KLK12: variants seen among roughly 807,000 people sequenced by gnomAD.
The protein encoded by KLK12 is kallikrein-12.
A neutral mutation model predicts 20.0 loss-of-function variants in KLK12; 23 were observed. The ratio of observed to expected loss-of-function variants is 1.15; its 90% confidence interval spans 0.83 to 1.63. The LOEUF (loss-of-function observed/expected upper bound fraction) is 1.63. Ranked by LOEUF, KLK12 falls within the 40% of genes most tolerant of loss-of-function variation. The pLI, the probability that KLK12 is intolerant of heterozygous loss-of-function variation, is 0.00. For missense variants in KLK12, 351 were observed against 338.6 expected (o/e 1.04, Z -0.29); for synonymous variants, 147 against 141.9 (o/e 1.04, Z -0.25).
rs1458547554 is a variant in KLK12, at chr19:51,030,818, T to C, written c.561A>G (p.Ala187=). Residue 187 remains alanine (A), a synonymous_variant, in exon 5 of 6, where the codon GCA becomes GCG. Coordinates refer to ENST00000684732, the MANE Select transcript of KLK12 (RefSeq NM_001370125.1). ...AGGCATCCTGCCCCGGGACGCCGCC[T>C]GCACACACCATGTTGCTCGTGATTC... ...PGRITSNMVC[A]GGVPGQDACQ... 1 of 1,614,118 alleles carries C rather than the reference T, an allele frequency of 6.2e-7. No homozygotes were observed. The highest frequency in any genetic ancestry group is 1.7e-5 in the Admixed American group (1 of 60,022).
rs148309880 is a variant in KLK12 at position 51,029,347 on chromosome 19, A to G, written c.702T>C (p.Ile234=). 6.2e-7 allele frequency: 1 copy of G among 1,614,052 alleles called. No homozygotes were observed. Among genetic ancestry groups the G allele is most frequent in the Non-Finnish European group, 8.5e-7 (1 of 1,180,014 alleles). ...QDGIPGVYTY[I]CKYVDWIRMI... ...TCCGGATCCAGTCCACATACTTGCA[A>G]ATATAGGTGTAGACTCCAGGGATGC... The change falls in exon 6 of 6, where the codon ATT becomes ATC. Residue 234 remains isoleucine, a synonymous_variant. Coordinates refer to ENST00000684732, the MANE Select transcript of KLK12 (RefSeq NM_001370125.1).
chr19:51,031,025 C>T (rs2091552609), intron 4 of KLK12, 104 bp from the exon 5 acceptor site: 1 of 1,335,718 alleles, frequency 7.5e-7, no homozygotes, highest in Non-Finnish European at 1.1e-6. Context: ...ACCCCTGCCC[C>T]TCACCGACCT....
chr19:51,033,626 AAAAAAG>A (rs1209097289), intron 3 of KLK12, among the ~76,000 whole-genome samples: 2 of 152,206 alleles, frequency 1.3e-5, no homozygotes, highest in African/African-American at 4.8e-5. Context: ...AAAAAAATAA[AAAAAAG>A]AAAAAGAAAA....
At position 51,034,100 on chromosome 19, in the gene KLK12, G is replaced by T. The variant is rs1233517575; in HGVS notation, c.77C>A (p.Thr26Asn). ...QAATPKIFNG[T>N]ECGRNSQPWQ... The stretch of plus-strand genomic sequence containing the variant: ...CGGCTGTGAGTTACGCCCACACTCA[G>T]TGCCATTGAAAATCTTCGGTGTGGC... Residue 26 changes from threonine to asparagine, a missense_variant, in exon 3 of 6, where the codon ACT becomes AAT. Transcript: ENST00000684732. 1 of 1,560,932 alleles carries T rather than the reference G, an allele frequency of 6.4e-7. No individual in the cohort carries two copies. The highest frequency in any genetic ancestry group is 2.4e-5 in the East Asian group (1 of 41,790).
chr19:51,034,491 C>T (rs1453276409), intron 2 of KLK12, 94 bp downstream of exon 2: 1 of 1,550,760 alleles, frequency 6.4e-7, no homozygotes, highest in South Asian at 1.2e-5. Flanking sequence ...AGGCTGGGGG[C>T]CAGAGCTGAG....
chr19:51,032,102 G>A lies in KLK12; in HGVS notation c.231C>T (p.Leu77=). The change falls in exon 4 of 6, where the codon CTC becomes CTT. Residue 77 remains leucine (L), a synonymous_variant. Transcript: ENST00000684732. ...RYWVRLGEHS[L]SQLDWTEQIR... ...TCTGCTCGGTCCAGTCGAGCTGGCT[G>A]AGGCTGTGTTCCCCCAGGCGCACCC... The A allele has an allele frequency of 6.2e-7, 1 of 1,604,398 alleles. No homozygotes were observed. The highest frequency in any genetic ancestry group is 8.5e-7 in the Non-Finnish European group (1 of 1,178,110).
Position 51,034,598 on chromosome 19 carries a change from G to C in KLK12, c.24C>G (p.Leu8=). ...GGGAGAACTCACCAAGAACACACAG[G>C]AGCAAAAAGATGCTGAGCCCCATGG... The part of the protein sequence containing the change: MGLSIFL[L]LCVLGLSQAA... The change falls in exon 2 of 6, where the codon CTC becomes CTG. Residue 8 remains leucine, a synonymous_variant. Coordinates refer to ENST00000684732, the MANE Select transcript of KLK12 (RefSeq NM_001370125.1). 6.2e-7 allele frequency: 1 copy of C among 1,611,760 alleles called. No homozygotes were observed. Among genetic ancestry groups the C allele is most frequent in the Non-Finnish European group, 8.5e-7 (1 of 1,179,110 alleles).
At chr19:51,034,682 G>A in intron 1 of KLK12, 42 bp from the exon 2 acceptor site, 2 of 1,577,436 alleles carry the variant, frequency 1.3e-6, no homozygotes, top group Non-Finnish European at 1.7e-6. Flanking sequence ...CTTTCCCTGT[G>A]CCCCCCACCT....
Position 51,029,420 on chromosome 19 carries a change from A to C in KLK12, c.629T>G (p.Leu210Arg). Reference sequence around the variant, plus strand: ...AGACCCCCAGGACACCAGACCTTGAAGGACTCCCCCACACACCAGGGGGCC... The same window carrying C: ...AGACCCCCAGGACACCAGACCTTGACGGACTCCCCCACACACCAGGGGGCC... ...SGGPLVCGGV[L>R]QGLVSWGSVG... Residue 210 changes from leucine to arginine, a missense_variant, in exon 6 of 6, where the codon CTT (leucine) becomes CGT (arginine). Leu to Arg is a moderately radical substitution (Grantham distance 102, BLOSUM62 -2). Transcript: ENST00000684732. The C allele has an allele frequency of 6.2e-7, 1 of 1,613,776 alleles. No homozygotes were observed. Among genetic ancestry groups the C allele is most frequent in the Non-Finnish European group, 8.5e-7 (1 of 1,179,644 alleles).
At chr19:51,030,978 C>T (rs1310046732) in intron 4 of KLK12, 57 bp from the exon 5 acceptor site, 13 of 1,608,984 alleles carry the variant, frequency 8.1e-6, no homozygotes, top group East Asian at 2.2e-5. Flanking sequence ...TTTGAGGCCA[C>T]GTCCCTCTTC....
At chr19:51,033,172 C>A (rs906429483) in intron 3 of KLK12, among the ~76,000 whole-genome samples, 32 of 149,054 alleles carry the variant, frequency 2.1e-4, no homozygotes, top group African/African-American at 7.2e-4. Context: ...GCCAAGATAG[C>A]ATCACTGCAC....
intron 5 of KLK12, chr19:51,030,018 G>A (rs902810442): frequency 5.9e-6 from 1 of 168,884 alleles, no homozygotes; most frequent in Non-Finnish European, 1.3e-5. Context: ...TTCTCTCAAG[G>A]ACAATGGCTG....
rs778992147 is a variant in KLK12, at chr19:51,031,919, G to A, written c.414C>T (p.Thr138=). The A allele has an allele frequency of 1.2e-6, 2 of 1,613,320 alleles. No homozygotes were observed. Among genetic ancestry groups the A allele is most frequent in the South Asian group, 1.1e-5 (1 of 91,054 alleles). ...TGCCCCAGCCTGAGACGTGGCACTC[G>A]GTGCCAGCGGTTGCACAGTCATTGG... is the stretch of plus-strand genomic sequence containing the variant. The part of the protein sequence containing the change: ...PLPNDCATAG[T]ECHVSGWGIT... Residue 138 remains threonine, a synonymous_variant, in exon 4 of 6, where the codon ACC becomes ACT. Coordinates refer to ENST00000684732, the MANE Select transcript of KLK12 (RefSeq NM_001370125.1).
intron 5 of KLK12, among the ~76,000 whole-genome samples, chr19:51,030,520 T>G (rs2091545487): frequency 6.6e-6 from 1 of 151,828 alleles, no homozygotes. Flanking sequence ...CGGCTAATTC[T>G]GGTATTTTTA....
Position 51,029,276 on chromosome 19 carries a change from G to A in KLK12, c.*26C>T. On this transcript the variant is annotated 3_prime_UTR_variant, in exon 6 of 6. Coordinates refer to ENST00000684732, the MANE Select transcript of KLK12 (RefSeq NM_001370125.1). ...GCCAGAGGGGTACCCAAGTTAAGGG[G>A]TGGGGGTGGAGGTGGAGGAAACAGG... 1 of 1,614,032 alleles carries A rather than the reference G, an allele frequency of 6.2e-7. No homozygotes were observed.
intron 2 of KLK12, 99 bp from the exon 3 acceptor site, chr19:51,034,238 GGAGAAAGAGAGACGAGAAAGAGA>G: frequency 2.1e-5 from 29 of 1,371,368 alleles, no homozygotes; most frequent in Non-Finnish European, 2.9e-5. Context: ...GAGAGAGAGA[GGAGAAAGAGAGACGAGAAAGAGA>G]GAGAAAGAGA....
chr19:51,034,419 C>T, intron 2 of KLK12, 166 bp downstream of exon 2: 1 of 1,469,368 alleles, frequency 6.8e-7, no homozygotes, highest in Middle Eastern at 1.8e-4. Flanking sequence ...CCGAGGTGAG[C>T]AGTACCCTGA....
At chr19:51,034,190 A>G (rs1273985148) in intron 2 of KLK12, 51 bp from the exon 3 acceptor site, 1 of 1,528,300 alleles carries the variant, frequency 6.5e-7, no homozygotes, top group East Asian at 2.5e-5. Flanking sequence ...AGATACAGAG[A>G]TGGAGAGACA....
At chr19:51,034,696 C>A in intron 1 of KLK12, 56 bp from the exon 2 acceptor site, 1 of 1,562,814 alleles carries the variant, frequency 6.4e-7, no homozygotes, top group East Asian at 2.3e-5. Context: ...CCCACCTCTG[C>A]CCTCTCTGCT....
Sources: gnomAD v4.1 joint callset for allele counts (sites outside exome capture counted in the v4.1 genomes callset) on GRCh38, gnomAD v4.1.1 for gene constraint, MANE v1.5 for transcripts, NCBI Gene and HGNC (gene_info 2026-07-23, HGNC 2026-07-21) for gene names.